Variants in CAP1 observed in about 807,000 individuals in gnomAD.
CAP1 encodes the protein adenylyl cyclase-associated protein 1.
CAP1 carries 11 observed loss-of-function variants against 58.2 expected under a neutral mutation model. The ratio of observed to expected loss-of-function variants is 0.19; its 90% confidence interval spans 0.12 to 0.31. CAP1 has a LOEUF of 0.31. CAP1 is among the 10% of genes least tolerant of loss of function. The pLI is 1.00. For missense variants in CAP1, 423 were observed against 587.5 expected (o/e 0.72, Z 2.89); for synonymous variants, 183 against 213.8 (o/e 0.86, Z 1.26).
chr1:40,063,774 G>A (rs1557690395), intron 4 of CAP1, among the ~76,000 whole-genome samples: 1 of 152,236 alleles, frequency 6.6e-6, no homozygotes, highest in Non-Finnish European at 1.5e-5. Flanking sequence ...TTGTATTGGT[G>A]AGTGATAAAA....
chr1:40,070,888 C>T lies in CAP1; in HGVS notation c.1253C>T (p.Ala418Val). ...ATCAACAAAACAGATGGCTGCCATG[C>T]TTACCTGAGCAAGAATTCCCTGGAT... is the stretch of plus-strand genomic sequence containing the variant. Reference protein sequence around the residue: ...ISINKTDGCHAYLSKNSLDCE... With the variant: ...ISINKTDGCHVYLSKNSLDCE... Residue 418 changes from alanine (A) to valine (V), a missense_variant, in exon 12 of 13, where the codon GCT becomes GTT. Coordinates refer to ENST00000372805, the MANE Select transcript of CAP1 (RefSeq NM_006367.4). 3 of 1,613,592 alleles carry T rather than the reference C, an allele frequency of 1.9e-6. No homozygotes were observed. The highest frequency in any genetic ancestry group is 2.5e-6 in the Non-Finnish European group (3 of 1,179,658).
chr1:40,041,085 A>T lies in CAP1; in HGVS notation c.-11+284A>T, dbSNP rs536902784. The T allele has an allele frequency of 3.3e-5, 5 of 152,478 alleles. No homozygotes were observed. The South Asian group carries it at 1.0e-3, about 32-fold the overall frequency. 9.4% of individuals were successfully genotyped at this position (152,478 alleles called of 1,614,324 possible). On this transcript the variant is annotated intron_variant, in intron 1 of 12. Transcript: ENST00000372805. ...TTCCTGAGGTGCTCTGACTGGAAGG[A>T]ACCTCCGAGATCGGAGAGTCTTCCC...
At position 40,072,060 on chromosome 1, in the gene CAP1, C is replaced by T; in HGVS notation, c.*527C>T. On this transcript the variant is annotated 3_prime_UTR_variant, in exon 13 of 13. Transcript: ENST00000372805. Reference sequence around the variant, plus strand: ...AGGCTTGGCCATCTAGCATTCCATACAAAATTGTTTCCTATAAGCATTCCT... The same window carrying T: ...AGGCTTGGCCATCTAGCATTCCATATAAAATTGTTTCCTATAAGCATTCCT... 1 of 403,268 alleles carries T rather than the reference C, an allele frequency of 2.5e-6. No homozygotes were observed. The highest frequency in any genetic ancestry group is 3.6e-5 in the East Asian group (1 of 28,160). The allele number at this position is 403,268 out of a possible 1,614,324, so 25.0% of individuals were successfully genotyped here.
intron 4 of CAP1, among the ~76,000 whole-genome samples, chr1:40,062,109 C>T (rs1570402746): frequency 6.6e-6 from 1 of 152,124 alleles, no homozygotes; most frequent in African/African-American, 2.4e-5. Context: ...GTCTCCAAAG[C>T]CCTTTAAAGA....
rs1256179212 is a variant in CAP1, at chr1:40,070,444, C to G, written c.1132C>G (p.Leu378Val). The G allele has an allele frequency of 6.2e-7, 1 of 1,613,776 alleles. No homozygotes were observed. The highest frequency in any genetic ancestry group is 8.5e-7 in the Non-Finnish European group (1 of 1,179,842). ...TCTTCTCCTAGATAACTGTAAGAAA[C>G]TTGGCCTGGTATTCGATGACGTGGT... is the stretch of plus-strand genomic sequence containing the variant. ...NSITVDNCKK[L>V]GLVFDDVVGI... The change falls in exon 11 of 13, where the codon CTT becomes GTT. Residue 378 changes from leucine (L) to valine (V), a missense_variant. Leu to Val is a conservative substitution (Grantham distance 32). Transcript: ENST00000372805.
intron 7 of CAP1, among the ~76,000 whole-genome samples, chr1:40,066,552 CA>C (rs1348054140): frequency 6.6e-6 from 1 of 152,198 alleles, no homozygotes. Flanking sequence ...ATGTTAGGGA[CA>C]GTGATTGGTG....
intron 4 of CAP1, 91 bp from the exon 5 acceptor site, chr1:40,064,136 T>C: frequency 4.8e-6 from 6 of 1,253,500 alleles, no homozygotes; most frequent in Non-Finnish European, 5.7e-6. Context: ...CTCACTAGAG[T>C]CCATAGAGAA....
At position 40,070,683 on chromosome 1, in the gene CAP1, G is replaced by A. The variant is rs1647752176; in HGVS notation, c.1201-153G>A. 3.9e-5 allele frequency: 35 copies of A among 891,868 alleles called. No homozygotes were observed. The South Asian group carries it at 5.3e-4, about 14-fold the overall frequency. The allele number at this position is 891,868 out of a possible 1,614,324, so 55.2% of individuals were successfully genotyped here. A position where few individuals can be genotyped will look rare whatever the true frequency, so the allele number is the denominator to read the frequency against. ...GGCTCTTCAAGCAAGTTCTTTTCAG[G>A]ACCCATCCCAACCCACCCGAGTATC... is the stretch of plus-strand genomic sequence containing the variant. On this transcript the variant is annotated intron_variant, in intron 11 of 12. Transcript: ENST00000372805.
chr1:40,062,993 G>A (rs1340965299), intron 4 of CAP1, among the ~76,000 whole-genome samples: 6 of 151,554 alleles, frequency 4.0e-5, no homozygotes, highest in African/African-American at 7.3e-5. Context: ...TTTTATTTAT[G>A]TTTAAAAAAA....
At chr1:40,058,608 C>A (rs1282897948) in intron 1 of CAP1, among the ~76,000 whole-genome samples, 1 of 152,060 alleles carries the variant, frequency 6.6e-6, no homozygotes, top group African/African-American at 2.4e-5. Context: ...ACACCTATAA[C>A]CCTAGCTACT....
In CAP1 at chr1:40,061,814, T is replaced by C. The variant is rs778331747; in HGVS notation, c.294+2T>C. The C allele has an allele frequency of 6.2e-7, 1 of 1,610,850 alleles. No homozygotes were observed. Among genetic ancestry groups the C allele is most frequent in the Non-Finnish European group, 8.5e-7 (1 of 1,176,976 alleles). ...TCTCAGTGTCAACAGCCAGCAGAAG[T>C]AAGTTCACTACTAGCTGGTTTCATT... On this transcript the variant is annotated splice_donor_variant, in intron 4 of 12. Transcript: ENST00000372805. LOFTEE classifies it high-confidence loss of function.
intron 2 of CAP1, 124 bp downstream of exon 2, chr1:40,059,582 T>C: frequency 1.6e-6 from 1 of 640,124 alleles, no homozygotes; most frequent in Non-Finnish European, 2.8e-6. Flanking sequence ...TTTTGTAATT[T>C]GTATTGCTGT....
intron 1 of CAP1, among the ~76,000 whole-genome samples, chr1:40,046,284 C>T (rs368574032): frequency 6.6e-6 from 1 of 152,014 alleles, no homozygotes; most frequent in Non-Finnish European, 1.5e-5. Context: ...GGTAAAACCC[C>T]GTCCCTACTA....
intron 4 of CAP1, among the ~76,000 whole-genome samples, chr1:40,062,716 G>C (rs148201482): frequency 2.0e-4 from 31 of 152,034 alleles, no homozygotes; most frequent in African/African-American, 7.0e-4. Flanking sequence ...AGTGAGCCAT[G>C]AACACACCAC....
chr1:40,053,804 G>A (rs183722334), intron 1 of CAP1, among the ~76,000 whole-genome samples: 325 of 152,238 alleles, frequency 2.1e-3, no homozygotes, highest in Non-Finnish European at 3.1e-3. Context: ...TCTAAAAATA[G>A]GGATCAATGT....
At chr1:40,043,717 A>C (rs1055586810) in intron 1 of CAP1, among the ~76,000 whole-genome samples, 1 of 152,014 alleles carries the variant, frequency 6.6e-6, no homozygotes, top group Admixed American at 6.6e-5. Context: ...TCACTACTAA[A>C]AATACAAAAA....
chr1:40,068,066 A>G (rs1647181265), intron 8 of CAP1, among the ~76,000 whole-genome samples: 2 of 152,188 alleles, frequency 1.3e-5, no homozygotes, highest in African/African-American at 4.8e-5. Context: ...TCCTCAGAAG[A>G]TGCATACTGG....
At chr1:40,042,667 G>T (rs1271704534) in intron 1 of CAP1, among the ~76,000 whole-genome samples, 2 of 152,190 alleles carry the variant, frequency 1.3e-5, no homozygotes, top group Non-Finnish European at 2.9e-5. Flanking sequence ...TTTTATGCAG[G>T]AAAATGATGT....
intron 6 of CAP1, among the ~76,000 whole-genome samples, chr1:40,064,805 C>T (rs557031455): frequency 6.6e-6 from 1 of 152,248 alleles, no homozygotes; most frequent in East Asian, 1.9e-4. Context: ...TAATGATTCT[C>T]CTGCCTTGGT....
Sources: allele counts gnomAD v4.1 joint callset (sites outside exome capture counted in the v4.1 genomes callset), GRCh38; gene constraint gnomAD v4.1.1; transcripts MANE v1.5; gene names NCBI Gene and HGNC (gene_info 2026-07-23, HGNC 2026-07-21).